The following USP25 variants were observed in gnomAD, a reference collection of about 807,000 sequenced individuals.
USP25 encodes the protein ubiquitin specific peptidase 25.
In USP25, 85 loss-of-function variants were observed where a neutral mutation model predicts 158.5. The observed-to-expected ratio is 0.54, with a 90% confidence interval of 0.45 to 0.64. USP25 has a LOEUF of 0.64. Among genes scored for constraint, USP25 ranks in the 30% least tolerant of loss-of-function variants. USP25 has a pLI of 0.00. For synonymous variants in USP25, 464 were observed against 460.4 expected, an observed-to-expected ratio of 1.01 and a Z score of -0.10; for missense variants, 1,242 against 1,327.3, an observed-to-expected ratio of 0.94 and a Z score of 1.00.
chr21:15,772,692 G>A (rs2823482), intron 3 of USP25, among the ~76,000 whole-genome samples: 44,433 of 152,066 alleles, frequency 0.29, 7,440 homozygotes, highest in African/African-American at 0.47. Context: ...TTGATAATTC[G>A]TTACATGTTT....
chr21:15,746,648 G>A (rs1414591991), intron 1 of USP25, among the ~76,000 whole-genome samples: 2 of 151,890 alleles, frequency 1.3e-5, no homozygotes, highest in African/African-American at 4.8e-5. Context: ...CACCAGCCTC[G>A]GCCTCCCAAA....
intron 5 of USP25, among the ~76,000 whole-genome samples, chr21:15,795,905 A>G (rs1043075882): frequency 4.0e-5 from 6 of 151,468 alleles, no homozygotes; most frequent in Non-Finnish European, 8.9e-5. Context: ...TCCGAGGAGA[A>G]TTTATCACGC....
At chr21:15,795,104 A>G (rs141148199) in intron 5 of USP25, among the ~76,000 whole-genome samples, 15 of 151,290 alleles carry the variant, frequency 9.9e-5, no homozygotes, top group African/African-American at 2.7e-4. Context: ...TATCTAATCC[A>G]TTTCTTCTCT....
chr21:15,833,607 T>G (rs751272955), intron 17 of USP25, 59 bp downstream of exon 17: 23 of 1,434,556 alleles, frequency 1.6e-5, no homozygotes, highest in African/African-American at 8.7e-5. Context: ...TAATAAGATA[T>G]GCTCATTATT....
chr21:15,782,964 A>T (rs976741788), intron 4 of USP25, among the ~76,000 whole-genome samples: 1 of 152,226 alleles, frequency 6.6e-6, no homozygotes, highest in Non-Finnish European at 1.5e-5. Context: ...GACATTAAAG[A>T]AACTTTTGAG....
intron 3 of USP25, among the ~76,000 whole-genome samples, chr21:15,769,298 A>G (rs1342460281): frequency 6.6e-6 from 1 of 152,068 alleles, no homozygotes; most frequent in Non-Finnish European, 1.5e-5. Flanking sequence ...GAAAAAGGAG[A>G]CATATCAAAG....
chr21:15,815,745 C>T (rs2036906891), intron 9 of USP25, among the ~76,000 whole-genome samples: 2 of 152,278 alleles, frequency 1.3e-5, no homozygotes, highest in East Asian at 1.9e-4. Context: ...GTCAGTGTTA[C>T]AGTTTTTAGG....
At chr21:15,871,864 G>A (rs1412160442) in intron 23 of USP25, among the ~76,000 whole-genome samples, 2 of 151,552 alleles carry the variant, frequency 1.3e-5, no homozygotes, top group South Asian at 2.1e-4. Context: ...GTGTGTGTGC[G>A]ACTGTGATCC....
At chr21:15,771,295 G>T (rs2034336405) in intron 3 of USP25, among the ~76,000 whole-genome samples, 1 of 151,752 alleles carries the variant, frequency 6.6e-6, no homozygotes, top group African/African-American at 2.4e-5. Context: ...GTGATTTTAG[G>T]TAGTGTGGAA....
At chr21:15,814,865 C>T (rs1346801919) in intron 9 of USP25, among the ~76,000 whole-genome samples, 2 of 152,114 alleles carry the variant, frequency 1.3e-5, no homozygotes, top group African/African-American at 4.8e-5. Context: ...GTCGTGGCTG[C>T]AGAAATTTGT....
intron 20 of USP25, among the ~76,000 whole-genome samples, chr21:15,858,191 CTGA>C (rs1383487795): frequency 6.6e-6 from 1 of 151,942 alleles, no homozygotes; most frequent in Non-Finnish European, 1.5e-5. Context: ...CATTTTTCTT[CTGA>C]TGATTTTTAA....
chr21:15,873,706 T>C (rs2039985805), intron 23 of USP25, among the ~76,000 whole-genome samples: 1 of 152,000 alleles, frequency 6.6e-6, no homozygotes, highest in Non-Finnish European at 1.5e-5. Context: ...TTGGTCAGGC[T>C]GGTCTCGAAC....
chr21:15,804,522 C>T (rs979719837), intron 6 of USP25, among the ~76,000 whole-genome samples: 2 of 151,480 alleles, frequency 1.3e-5, no homozygotes, highest in Admixed American at 6.6e-5. Flanking sequence ...TTCTAATAAT[C>T]GGGTGAGGTT....
chr21:15,842,949 A>G (rs376868366), intron 18 of USP25, among the ~76,000 whole-genome samples: 5 of 152,194 alleles, frequency 3.3e-5, no homozygotes, highest in African/African-American at 9.7e-5. Context: ...TGTGTTTAAC[A>G]ATAAAACTAC....
At chr21:15,827,765 CGTGTGT>C (rs34923569) in intron 14 of USP25, among the ~76,000 whole-genome samples, 2,753 of 136,894 alleles carry the variant, frequency 0.02, 66 homozygotes, top group African/African-American at 0.062. Flanking sequence ...TGTGCGTGTG[CGTGTGT>C]GTGTGTGTGT....
chr21:15,818,705 A>C lies in USP25; in HGVS notation c.939A>C (p.Lys313Asn), dbSNP rs771423820. Residue 313 changes from lysine (K) to asparagine (N), a missense_variant, in exon 10 of 26, where the codon AAA (lysine) becomes AAC (asparagine). Transcript: ENST00000400183. ...FLAVGVLEGK[K>N]FENTEMFGQY... ...TTTTCTCCCTTCTTATAGGTAAAAA[A>C]TTTGAAAACACTGAAATGTTTGGTC... 2 of 1,604,648 alleles carry C rather than the reference A, an allele frequency of 1.2e-6. No individual in the cohort carries two copies. The highest frequency in any genetic ancestry group is 2.2e-5 in the East Asian group (1 of 44,776).
At chr21:15,741,926 C>A (rs2032095636) in intron 1 of USP25, among the ~76,000 whole-genome samples, 1 of 152,114 alleles carries the variant, frequency 6.6e-6, no homozygotes, top group South Asian at 2.1e-4. Context: ...ATCTCTTTAA[C>A]AATTAATTGC....
chr21:15,731,348 C>A (rs138402095), intron 1 of USP25, among the ~76,000 whole-genome samples: 356 of 152,010 alleles, frequency 2.3e-3, no homozygotes, highest in African/African-American at 8.2e-3. Context: ...TAAACCGTGC[C>A]TTAGTTGTGT....
intron 14 of USP25, 74 bp from the exon 15 acceptor site, chr21:15,830,457 A>G: frequency 6.9e-6 from 9 of 1,313,142 alleles, no homozygotes; most frequent in Non-Finnish European, 9.4e-6. Flanking sequence ...TGTTTGTAGG[A>G]AAAACATTAG....
Sources: allele counts gnomAD v4.1 joint callset (sites outside exome capture counted in the v4.1 genomes callset), GRCh38; gene constraint gnomAD v4.1.1; transcripts MANE v1.5; gene names NCBI Gene and HGNC (gene_info 2026-07-23, HGNC 2026-07-21).